Variants in ARHGAP36 observed in about 807,000 individuals in gnomAD.
ARHGAP36 encodes Rho GTPase activating protein 36.
A neutral mutation model predicts 32.9 loss-of-function variants in ARHGAP36; 7 were observed. The ratio of observed to expected loss-of-function variants is 0.21; its 90% CI spans 0.12 to 0.40. The LOEUF is 0.40. ARHGAP36 is among the 10% of genes least tolerant of loss of function. ARHGAP36 has a pLI of 1.00. For missense variants in ARHGAP36, 383 were observed against 442.2 expected (o/e 0.87, Z 1.20); for synonymous variants, 165 against 168.3 (o/e 0.98, Z 0.15).
chrX:131,076,475 G>A (rs926212251), intron 1 of ARHGAP36, among the ~76,000 whole-genome samples: 2 of 112,105 alleles, frequency 1.8e-5, no homozygotes, highest in Non-Finnish European at 3.8e-5. Flanking sequence ...TGTTTCTTTA[G>A]TCAATAAAAT....
chrX:131,058,499 C>G, intron 1 of ARHGAP36, 55 bp downstream of exon 1: 5 of 969,209 alleles, frequency 5.2e-6, no homozygotes, highest in Non-Finnish European at 6.6e-6. Context: ...GGGCGGCCGG[C>G]GGCTGCAGCC....
intron 1 of ARHGAP36, among the ~76,000 whole-genome samples, chrX:131,070,778 G>A (rs2079729720): frequency 9.2e-6 from 1 of 108,994 alleles, no homozygotes; most frequent in Admixed American, 1.0e-4. Context: ...GTGTATGTAT[G>A]TTACCAGGCA....
intron 1 of ARHGAP36, among the ~76,000 whole-genome samples, chrX:131,062,035 C>CT (rs1420578070): frequency 1.8e-5 from 2 of 111,702 alleles, no homozygotes; most frequent in East Asian, 2.8e-4. Flanking sequence ...AACATCATTC[C>CT]TTTTTTTTCA....
chrX:131,085,967 C>G lies in ARHGAP36; in HGVS notation c.1159C>G (p.Leu387Val), dbSNP rs2079833387. 1 of 1,209,908 alleles carries G rather than the reference C, an allele frequency of 8.3e-7. No individual in the cohort carries two copies. Among genetic ancestry groups the G allele is most frequent in the Non-Finnish European group, 1.1e-6 (1 of 895,186 alleles). Residue 387 changes from leucine to valine, a missense_variant, in exon 9 of 12, where the codon CTC becomes GTC. Physicochemically the swap from Leu to Val is conservative, Grantham distance 32. Around this residue, in one of 2 missense-constraint regions of ARHGAP36, gnomAD observed 227 missense variants for 311.3 expected, o/e 0.73. Transcript: ENST00000276211. ...TNLALVFGSA[L>V]LKKGKFGKRE... ...CTTGGCCTTGGTGTTTGGATCTGCT[C>G]TCCTGAAAAAAGGAAAGTTTGGCAA...
chrX:131,088,989 C>CAGA lies in ARHGAP36; in HGVS notation c.*205_*207dup. 2 of 507,597 alleles carry CAGA rather than the reference C, an allele frequency of 3.9e-6. No individual in the cohort carries two copies. Among genetic ancestry groups the CAGA allele is most frequent in the Non-Finnish European group, 2.9e-6 (1 of 339,038 alleles). The allele number at this position is 507,597 out of a possible 1,213,427, so 41.8% of individuals were successfully genotyped here. A position where few individuals can be genotyped will look rare whatever the true frequency, so the allele number is the denominator to read the frequency against. Reference sequence around the variant, plus strand: ...GCTTGGTCTCTTCTGCTGGTAAAAGCAGAGATGTTTCTGTGTCATGCCCAA... The same window carrying CAGA: ...GCTTGGTCTCTTCTGCTGGTAAAAGCAGAAGAGATGTTTCTGTGTCATGCCCAA... On this transcript the variant is annotated 3_prime_UTR_variant, in exon 12 of 12. Coordinates refer to ENST00000276211, the MANE Select transcript of ARHGAP36 (RefSeq NM_144967.4).
At chrX:131,069,925 C>T (rs1409785839) in intron 1 of ARHGAP36, among the ~76,000 whole-genome samples, 1 of 112,311 alleles carries the variant, frequency 8.9e-6, no homozygotes. Flanking sequence ...ACTTATGTCC[C>T]AGCAGCATCT....
intron 1 of ARHGAP36, among the ~76,000 whole-genome samples, chrX:131,080,736 T>C (rs888936273): frequency 1.8e-5 from 2 of 112,623 alleles, no homozygotes; most frequent in African/African-American, 6.5e-5. Flanking sequence ...TGTTTGTTGG[T>C]TTTGGTACAA....
chrX:131,084,699 A>T lies in ARHGAP36; in HGVS notation c.804+18A>T. 8.3e-7 allele frequency: 1 copy of T among 1,210,621 alleles called. No individual in the cohort carries two copies. Among genetic ancestry groups the T allele is most frequent in the African/African-American group, 1.7e-5 (1 of 57,886 alleles). On this transcript the variant is annotated intron_variant, in intron 6 of 11. Transcript: ENST00000276211. ...TGCGTCAGGTAAATTGGCTATGTTT[A>T]CATGTTTGTTCCTCCAATAAGAAAG...
At chrX:131,067,210 C>T (rs1215374570) in intron 1 of ARHGAP36, among the ~76,000 whole-genome samples, 1 of 112,533 alleles carries the variant, frequency 8.9e-6, no homozygotes, top group Non-Finnish European at 1.9e-5. Context: ...ACTGGATCTG[C>T]CCACACAAAG....
chrX:131,084,124 C>T, intron 4 of ARHGAP36, 91 bp from the exon 5 acceptor site: 1 of 1,056,238 alleles, frequency 9.5e-7, no homozygotes, highest in Non-Finnish European at 1.3e-6. Context: ...GGGAATGTAT[C>T]TTGTCCTGAA....
intron 1 of ARHGAP36, among the ~76,000 whole-genome samples, chrX:131,059,200 G>A (rs780034642): frequency 1.8e-5 from 2 of 112,148 alleles, no homozygotes; most frequent in East Asian, 5.6e-4. Flanking sequence ...CCCTTTTCGG[G>A]AACTGCTTCT....
chrX:131,085,707 G>A lies in ARHGAP36; in HGVS notation c.1075G>A (p.Glu359Lys), dbSNP rs1194619100. ...KALHKITENC[E>K]DSIGIDGQLV... ...CCTGCATAAAATCACTGAGAACTGCGAGGACTCAATTGGCATTGATGGACA... is the reference window on the plus strand; with the variant it reads ...CCTGCATAAAATCACTGAGAACTGCAAGGACTCAATTGGCATTGATGGACA... The change falls in exon 8 of 12, where the codon GAG becomes AAG. Residue 359 changes from glutamate to lysine, a missense_variant. By Grantham distance (56) the Glu-to-Lys change is moderately conservative. Around this residue, in one of 2 missense-constraint regions of ARHGAP36, gnomAD observed 227 missense variants for 311.3 expected, o/e 0.73. Coordinates refer to ENST00000276211, the MANE Select transcript of ARHGAP36 (RefSeq NM_144967.4). 4 of 1,209,895 alleles carry A rather than the reference G, an allele frequency of 3.3e-6. No individual in the cohort carries two copies. The highest frequency in any genetic ancestry group is 4.5e-6 in the Non-Finnish European group (4 of 895,323).
At chrX:131,067,516 C>A (rs1206400834) in intron 1 of ARHGAP36, among the ~76,000 whole-genome samples, 1 of 112,937 alleles carries the variant, frequency 8.9e-6, no homozygotes, top group African/African-American at 3.2e-5. Context: ...CCAGCGGGAA[C>A]CCCTGCCGGG....
rs769923361 is a variant in ARHGAP36 at position 131,085,925 on chromosome X, C to G, written c.1117C>G (p.Arg373Gly). 8.3e-7 allele frequency: 1 copy of G among 1,211,281 alleles called. No individual in the cohort carries two copies. The highest frequency in any genetic ancestry group is 1.1e-6 in the Non-Finnish European group (1 of 895,286). The change falls in exon 9 of 12, where the codon CGT becomes GGT. Residue 373 changes from arginine (R) to glycine (G), a missense_variant. Physicochemically the swap from Arg to Gly is moderately radical, Grantham distance 125. This residue lies in a region of ARHGAP36 where 227 missense variants were observed against 311.3 expected (regional missense o/e 0.73). Coordinates refer to ENST00000276211, the MANE Select transcript of ARHGAP36 (RefSeq NM_144967.4). ...TTCCTTTGCCTAGGTCCCAGGCAAC[C>G]GTATGACTTCCACTAACTTGGCCTT... ...GIDGQLVPGN[R>G]MTSTNLALVF...
chrX:131,062,609 T>C (rs2079675471), intron 1 of ARHGAP36, among the ~76,000 whole-genome samples: 1 of 111,682 alleles, frequency 9.0e-6, no homozygotes, highest in Non-Finnish European at 1.9e-5. Context: ...TAAAATGACA[T>C]AATAATGTCT....
chrX:131,063,471 G>A (rs2079680246), intron 1 of ARHGAP36, among the ~76,000 whole-genome samples: 1 of 111,677 alleles, frequency 9.0e-6, no homozygotes, highest in South Asian at 3.8e-4. Context: ...TACAGGGGTA[G>A]GAGCTGGAGA....
At chrX:131,075,374 A>T (rs1031699646) in intron 1 of ARHGAP36, among the ~76,000 whole-genome samples, 19 of 110,602 alleles carry the variant, frequency 1.7e-4, no homozygotes, top group African/African-American at 4.9e-4. Flanking sequence ...ATTTGAAGCT[A>T]AGTTCCAGTC....
intron 1 of ARHGAP36, among the ~76,000 whole-genome samples, chrX:131,077,619 C>T (rs1005544921): frequency 1.2e-4 from 13 of 109,756 alleles, no homozygotes; most frequent in African/African-American, 4.0e-4. Flanking sequence ...TTTGGGAGGA[C>T]GTGAGAAACA....
intron 1 of ARHGAP36, among the ~76,000 whole-genome samples, chrX:131,066,873 A>T (rs1454992650): frequency 8.9e-6 from 1 of 112,111 alleles, no homozygotes; most frequent in African/African-American, 3.2e-5. Context: ...GAGATAATGC[A>T]TGTCAGAACA....
Sources: gnomAD v4.1 joint callset for allele counts (sites outside exome capture counted in the v4.1 genomes callset) on GRCh38, gnomAD v4.1.1 for gene constraint, gnomAD v4.1.1 regional missense constraint, MANE v1.5 for transcripts, NCBI Gene and HGNC (gene_info 2026-07-23, HGNC 2026-07-21) for gene names.